Variants in NFATC3 observed in about 807,000 individuals in gnomAD.
NFATC3 encodes nuclear factor of activated T cells 3.
NFATC3 carries 46 observed loss-of-function variants against 98.6 expected under a neutral mutation model. The observed-to-expected ratio is 0.47, with a 90% CI of 0.37 to 0.60. The LOEUF is 0.60. NFATC3 is among the 20% of genes least tolerant of loss of function. NFATC3 has a pLI of 0.00. For synonymous variants in NFATC3, 512 were observed against 472.2 expected (o/e 1.08, Z -1.09); for missense variants, 1,256 against 1,295.5 (o/e 0.97, Z 0.47).
At chr16:68,192,341 A>G (rs2040480354) in intron 9 of NFATC3, 1 of 145,670 alleles carries the variant, frequency 6.9e-6, no homozygotes, top group African/African-American at 2.6e-5. Context: ...ATAGAGAGAG[A>G]GAGAGAGAGA....
intron 3 of NFATC3, among the ~76,000 whole-genome samples, chr16:68,153,269 A>G (rs2038434722): frequency 1.3e-5 from 2 of 152,056 alleles, no homozygotes; most frequent in African/African-American, 4.8e-5. Flanking sequence ...AAAAATGCAA[A>G]AATTTAGCCG....
At chr16:68,086,946 G>T (rs1482955908) in intron 1 of NFATC3, 1 of 276,792 alleles carries the variant, frequency 3.6e-6, no homozygotes, top group Admixed American at 6.5e-5. Context: ...CCACTCTTAC[G>T]GACCCTGTAG....
At chr16:68,147,589 G>A (rs947149016) in intron 3 of NFATC3, among the ~76,000 whole-genome samples, 1 of 152,084 alleles carries the variant, frequency 6.6e-6, no homozygotes, top group Admixed American at 6.6e-5. Flanking sequence ...AGTTGTTGCT[G>A]TTTATTTCTC....
intron 1 of NFATC3, among the ~76,000 whole-genome samples, chr16:68,087,781 T>C (rs937798552): frequency 2.0e-5 from 3 of 152,216 alleles, no homozygotes; most frequent in African/African-American, 7.2e-5. Context: ...CTAGATATTT[T>C]ATATAAATAG....
At chr16:68,086,159 G>T (rs1226030876) in intron 1 of NFATC3, among the ~76,000 whole-genome samples, 1 of 152,156 alleles carries the variant, frequency 6.6e-6, no homozygotes, top group Non-Finnish European at 1.5e-5. Context: ...ATCTATTCTA[G>T]GTCGTTTCTT....
chr16:68,183,214 AAC>A, intron 7 of NFATC3, 24 bp from the exon 8 acceptor site: 8 of 1,555,810 alleles, frequency 5.1e-6, no homozygotes, highest in Non-Finnish European at 6.9e-6. Context: ...TTCTGAGTGT[AAC>A]ACAATCTTGC....
intron 4 of NFATC3, among the ~76,000 whole-genome samples, chr16:68,160,829 C>T (rs745982791): frequency 6.6e-5 from 10 of 152,108 alleles, no homozygotes; most frequent in East Asian, 1.9e-4. Context: ...AGATTGCACA[C>T]GTGCACCACC....
chr16:68,106,243 C>T (rs1218936855), intron 1 of NFATC3, among the ~76,000 whole-genome samples: 1 of 152,012 alleles, frequency 6.6e-6, no homozygotes, highest in African/African-American at 2.4e-5. Flanking sequence ...TACATTCTAA[C>T]AAAATCCACT....
At chr16:68,166,509 T>G (rs2039202363) in intron 4 of NFATC3, among the ~76,000 whole-genome samples, 1 of 152,114 alleles carries the variant, frequency 6.6e-6, no homozygotes, top group African/African-American at 2.4e-5. Flanking sequence ...TTGGCCACAC[T>G]CCATTTGTCA....
intron 9 of NFATC3, chr16:68,214,555 CATT>C (rs1162669878): frequency 1.4e-6 from 1 of 728,778 alleles, no homozygotes; most frequent in Admixed American, 2.2e-5. Context: ...TAGGCCCACT[CATT>C]ATCTTTGGAA....
rs1055253573 is a variant in NFATC3, at chr16:68,195,484, A to G, written c.3106+3709A>G. The stretch of plus-strand genomic sequence containing the variant: ...CAGGAGTTCGAGTCCAGTCTTGCCA[A>G]TATAGTGAGACCCTGTCTCTAAAAT... On this transcript the variant is annotated intron_variant, in intron 9 of 9. Transcript: ENST00000346183. Among the ~76,000 whole-genome samples the G allele has an allele frequency of 2.6e-5, 4 of 151,982 alleles. No individual in the cohort carries two copies. The South Asian group carries it at 8.3e-4, about 32-fold the overall frequency.
intron 3 of NFATC3, among the ~76,000 whole-genome samples, chr16:68,148,366 G>A (rs916088414): frequency 1.3e-5 from 2 of 151,860 alleles, no homozygotes; most frequent in African/African-American, 4.8e-5. Context: ...TAGTTTTATG[G>A]AATAGTTTCC....
At chr16:68,211,142 T>C (rs146592868) in intron 9 of NFATC3, among the ~76,000 whole-genome samples, 1 of 152,024 alleles carries the variant, frequency 6.6e-6, no homozygotes, top group Non-Finnish European at 1.5e-5. Flanking sequence ...AGGAAGTGTT[T>C]CCTTTTCTTT....
chr16:68,120,350 G>A (rs896968057), intron 1 of NFATC3, among the ~76,000 whole-genome samples: 1 of 151,454 alleles, frequency 6.6e-6, no homozygotes, highest in African/African-American at 2.4e-5. Context: ...GGCCAAGGAG[G>A]GTAGATTGCT....
At chr16:68,104,580 T>C (rs1453700339) in intron 1 of NFATC3, among the ~76,000 whole-genome samples, 4 of 152,030 alleles carry the variant, frequency 2.6e-5, no homozygotes, top group Admixed American at 2.6e-4. Context: ...TGCATCCTTA[T>C]CTTGCTTCTT....
chr16:68,183,338 C>T lies in NFATC3; in HGVS notation c.2070C>T (p.Ser690=). The part of the protein sequence containing the change: ...FYLCNGKRKK[S]QSQRFTYTPV... ...TTTGCAATGGCAAGAGGAAAAAAAG[C>T]CAGTCTCAACGTTTTACTTATACAC... is the stretch of plus-strand genomic sequence containing the variant. Residue 690 remains serine, a synonymous_variant, in exon 8 of 10, where the codon AGC becomes AGT. Coordinates refer to ENST00000346183, the MANE Select transcript of NFATC3 (RefSeq NM_173165.3). 1 of 1,613,470 alleles carries T rather than the reference C, an allele frequency of 6.2e-7. No individual in the cohort carries two copies. Among genetic ancestry groups the T allele is most frequent in the Admixed American group, 1.7e-5 (1 of 59,980 alleles).
At chr16:68,144,319 TA>T (rs1057137131) in intron 3 of NFATC3, among the ~76,000 whole-genome samples, 17 of 152,294 alleles carry the variant, frequency 1.1e-4, no homozygotes, top group African/African-American at 4.1e-4. Context: ...GGATGCTTCA[TA>T]AACTGCTAGT....
chr16:68,184,269 G>A (rs1439306208), intron 8 of NFATC3, among the ~76,000 whole-genome samples: 4 of 152,012 alleles, frequency 2.6e-5, no homozygotes, highest in African/African-American at 9.7e-5. Context: ...CAGATGAGAG[G>A]GGATAGGATT....
At chr16:68,197,355 C>T (rs1323349517) in intron 9 of NFATC3, among the ~76,000 whole-genome samples, 1 of 152,242 alleles carries the variant, frequency 6.6e-6, no homozygotes, top group Non-Finnish European at 1.5e-5. Context: ...GTGAACACAG[C>T]TCACTGCATC....
Sources: gnomAD v4.1 joint callset for allele counts (sites outside exome capture counted in the v4.1 genomes callset) on GRCh38, gnomAD v4.1.1 for gene constraint, MANE v1.5 for transcripts, NCBI Gene and HGNC (gene_info 2026-07-23, HGNC 2026-07-21) for gene names.